SLC39A11: variants seen among roughly 807,000 people sequenced by gnomAD.
SLC39A11 encodes the protein zinc transporter ZIP11.
In SLC39A11, 33 loss-of-function variants were observed where a neutral mutation model predicts 36.1. That is an observed-to-expected ratio of 0.91 (90% CI 0.69 to 1.22). SLC39A11 has a LOEUF of 1.22. SLC39A11 is among the 50% of genes most tolerant of loss of function. The pLI is 0.00. For synonymous variants in SLC39A11, 166 were observed against 170.3 expected, an observed-to-expected ratio of 0.97 and a Z score of 0.20; for missense variants, 432 against 430.3, an observed-to-expected ratio of 1.00 and a Z score of -0.03.
At chr17:72,968,232 A>C (rs1057493776) in intron 4 of SLC39A11, among the ~76,000 whole-genome samples, 2 of 152,212 alleles carry the variant, frequency 1.3e-5, no homozygotes, top group Non-Finnish European at 2.9e-5. Context: ...TCTAGAATTT[A>C]AAAGGAAGGC....
At chr17:72,826,882 C>G (rs1222475010) in intron 6 of SLC39A11, among the ~76,000 whole-genome samples, 1 of 152,114 alleles carries the variant, frequency 6.6e-6, no homozygotes, top group Non-Finnish European at 1.5e-5. Context: ...GAAACGGAAC[C>G]CTCCTATATT....
chr17:72,658,761 A>C (rs1196183979), intron 7 of SLC39A11, among the ~76,000 whole-genome samples: 1 of 152,172 alleles, frequency 6.6e-6, no homozygotes, highest in Non-Finnish European at 1.5e-5. Context: ...CAGATCACTC[A>C]GCCTTTCCTT....
intron 5 of SLC39A11, among the ~76,000 whole-genome samples, chr17:72,868,291 ACT>A (rs2080413821): frequency 6.6e-6 from 1 of 152,132 alleles, no homozygotes; most frequent in South Asian, 2.1e-4. Context: ...AAACTCCCCA[ACT>A]CTGCATGATC....
At chr17:73,052,355 C>G (rs1266296076) in intron 3 of SLC39A11, among the ~76,000 whole-genome samples, 1 of 151,556 alleles carries the variant, frequency 6.6e-6, no homozygotes, top group African/African-American at 2.4e-5. Flanking sequence ...TTTTCAAAAC[C>G]TAAAACTGCA....
intron 7 of SLC39A11, among the ~76,000 whole-genome samples, chr17:72,735,174 G>A (rs142712773): frequency 3.3e-5 from 5 of 152,266 alleles, no homozygotes; most frequent in South Asian, 2.1e-4. Context: ...GAAAAGTTTC[G>A]CCCTGGAACA....
At chr17:72,845,066 C>CCACTATCATCTTTGATCTGGAT (rs1455520985) in intron 6 of SLC39A11, among the ~76,000 whole-genome samples, 1 of 152,224 alleles carries the variant, frequency 6.6e-6, no homozygotes, top group Non-Finnish European at 1.5e-5. Flanking sequence ...TTGGTCTGCA[C>CCACTATCATCTTTGATCTGGAT]CACTATCATC....
chr17:72,935,059 T>C (rs541616966), intron 5 of SLC39A11, among the ~76,000 whole-genome samples: 2 of 152,334 alleles, frequency 1.3e-5, no homozygotes, highest in South Asian at 2.1e-4. Context: ...CAAAAGCCTG[T>C]ATGCCAATAT....
intron 6 of SLC39A11, among the ~76,000 whole-genome samples, chr17:72,846,047 T>TTTG (rs2079042107): frequency 1.0e-5 from 1 of 97,776 alleles, no homozygotes; most frequent in Non-Finnish European, 2.0e-5. Flanking sequence ...TTTTTTTTTT[T>TTTG]GAGACAGAGC....
At chr17:72,648,729 A>G (rs1284023927) in intron 9 of SLC39A11, 74 bp downstream of exon 9, 4 of 1,571,738 alleles carry the variant, frequency 2.5e-6, no homozygotes, top group Non-Finnish European at 3.5e-6. Context: ...GCAAATGAAG[A>G]AAGAGCATAT....
At chr17:73,083,379 A>G (rs186270810) in intron 3 of SLC39A11, among the ~76,000 whole-genome samples, 12 of 152,308 alleles carry the variant, frequency 7.9e-5, no homozygotes, top group Admixed American at 6.5e-4. Context: ...TCTAACAGCT[A>G]CTGACTCAGA....
At chr17:72,732,282 G>A (rs1001147247) in intron 7 of SLC39A11, among the ~76,000 whole-genome samples, 3 of 151,900 alleles carry the variant, frequency 2.0e-5, no homozygotes, top group African/African-American at 4.8e-5. Flanking sequence ...CTCAAAGTAC[G>A]GGATTATAGG....
chr17:72,991,813 C>T (rs1280856983), intron 4 of SLC39A11, among the ~76,000 whole-genome samples: 1 of 152,162 alleles, frequency 6.6e-6, no homozygotes, highest in African/African-American at 2.4e-5. Flanking sequence ...ATGCAGGGTT[C>T]CCTGTGTACA....
At chr17:72,675,003 TGA>T (rs748289332) in intron 7 of SLC39A11, among the ~76,000 whole-genome samples, 4 of 151,496 alleles carry the variant, frequency 2.6e-5, no homozygotes, top group Non-Finnish European at 5.9e-5. Context: ...TGTGTGTGTG[TGA>T]GACACAGAGA....
intron 6 of SLC39A11, 103 bp from the exon 7 acceptor site, chr17:72,736,822 G>C: frequency 1.0e-6 from 1 of 975,052 alleles, no homozygotes; most frequent in South Asian, 1.3e-5. Context: ...GAGGCTGCCA[G>C]TCAAAGAAAA....
At position 73,018,871 on chromosome 17, in the gene SLC39A11, A is replaced by T. The variant is rs147221667; in HGVS notation, c.306+12685T>A. Among the ~76,000 whole-genome samples the T allele has an allele frequency of 1.6e-4, 25 of 152,236 alleles. No individual in the cohort carries two copies. In the East Asian group the frequency reaches 4.6e-3, roughly 28 times the overall value. On this transcript the variant is annotated intron_variant, in intron 4 of 9. Coordinates refer to ENST00000255559, the MANE Select transcript of SLC39A11 (RefSeq NM_139177.4). ...GAAAAAAAAAAATCAAGAAAGATAA[A>T]CATAAAGAAAACCACACAAAGGCAT... is the stretch of plus-strand genomic sequence containing the variant.
At chr17:72,703,808 T>G (rs529998428) in intron 7 of SLC39A11, among the ~76,000 whole-genome samples, 85 of 152,330 alleles carry the variant, frequency 5.6e-4, no homozygotes, top group African/African-American at 2.0e-3. Flanking sequence ...TGATGATCCC[T>G]AAACAGAGGA....
intron 5 of SLC39A11, among the ~76,000 whole-genome samples, chr17:72,863,665 A>G (rs1567845598): frequency 6.6e-6 from 1 of 152,218 alleles, no homozygotes; most frequent in Non-Finnish European, 1.5e-5. Flanking sequence ...GAGTCTGCAG[A>G]CAGTCAGGTC....
At chr17:72,898,246 G>A (rs760948785) in intron 5 of SLC39A11, among the ~76,000 whole-genome samples, 4 of 152,064 alleles carry the variant, frequency 2.6e-5, no homozygotes, top group Admixed American at 1.3e-4. Context: ...TCAACTGGCC[G>A]CCCCCAAAGA....
At chr17:72,782,863 G>A (rs1178742505) in intron 6 of SLC39A11, among the ~76,000 whole-genome samples, 21 of 151,458 alleles carry the variant, frequency 1.4e-4, no homozygotes, top group Admixed American at 1.1e-3. Context: ...TTAGCCAGAC[G>A]GGGTGGTGCC....
Sources: gnomAD v4.1 joint callset for allele counts (sites outside exome capture counted in the v4.1 genomes callset) on GRCh38, gnomAD v4.1.1 for gene constraint, MANE v1.5 for transcripts, NCBI Gene and HGNC (gene_info 2026-07-23, HGNC 2026-07-21) for gene names.